The following EPB41L4B variants were observed in gnomAD, a reference collection of about 807,000 sequenced individuals.
EPB41L4B encodes erythrocyte membrane protein band 4.1 like 4B.
EPB41L4B carries 30 observed loss-of-function variants against 112.5 expected under a neutral mutation model. The ratio of observed to expected loss-of-function variants is 0.27; its 90% confidence interval spans 0.20 to 0.36. The LOEUF is 0.36. EPB41L4B is among the 10% of genes least tolerant of loss of function. The pLI is 1.00. For missense variants in EPB41L4B, 1,024 were observed against 1,133.3 expected (o/e 0.90, Z 1.38); for synonymous variants, 408 against 439.7 (o/e 0.93, Z 0.90).
At chr9:109,271,804 A>G (rs1160434546) in intron 2 of EPB41L4B, among the ~76,000 whole-genome samples, 1 of 152,222 alleles carries the variant, frequency 6.6e-6, no homozygotes, top group Non-Finnish European at 1.5e-5. Flanking sequence ...AAATGGCAGG[A>G]CATTTCACTC....
At chr9:109,207,367 C>T (rs1455815001) in intron 18 of EPB41L4B, among the ~76,000 whole-genome samples, 11 of 151,878 alleles carry the variant, frequency 7.2e-5, no homozygotes, top group Admixed American at 5.2e-4. Context: ...TCCAGGAGTT[C>T]GAGACCAGCC....
At chr9:109,205,458 T>C (rs1201540943) in intron 18 of EPB41L4B, among the ~76,000 whole-genome samples, 5 of 152,240 alleles carry the variant, frequency 3.3e-5, no homozygotes, top group African/African-American at 1.2e-4. Context: ...AACTTTCTAA[T>C]GTAGATAATT....
At chr9:109,264,878 A>G in intron 5 of EPB41L4B, 102 bp downstream of exon 5, 1 of 1,116,530 alleles carries the variant, frequency 9.0e-7, no homozygotes, top group Non-Finnish European at 1.2e-6. Context: ...CTTTTTTTGA[A>G]TTTTGAAAAG....
intron 4 of EPB41L4B, among the ~76,000 whole-genome samples, chr9:109,265,358 C>T (rs1835363786): frequency 6.6e-6 from 1 of 152,226 alleles, no homozygotes; most frequent in South Asian, 2.1e-4. Context: ...TGCAACATGT[C>T]CAATAACCCA....
intron 5 of EPB41L4B, among the ~76,000 whole-genome samples, chr9:109,263,556 T>G (rs926878522): frequency 6.6e-6 from 1 of 152,260 alleles, no homozygotes; most frequent in African/African-American, 2.4e-5. Context: ...CCAGCATGGC[T>G]GGATACACTC....
chr9:109,263,613 C>T (rs945428615), intron 5 of EPB41L4B, among the ~76,000 whole-genome samples: 5 of 152,224 alleles, frequency 3.3e-5, no homozygotes, highest in Admixed American at 6.5e-5. Context: ...AGTACTACTG[C>T]AAATTCAGTG....
chr9:109,256,174 T>C lies in EPB41L4B; in HGVS notation c.891A>G (p.Leu297=). Residue 297 remains leucine, a synonymous_variant, in exon 9 of 26, where the codon TTA becomes TTG. Coordinates refer to ENST00000374566, the MANE Select transcript of EPB41L4B (RefSeq NM_019114.5). ...YSLGLTPTGI[L]IFEGANKIGL... ...CTATTTTGTTAGCTCCTTCAAAGAT[T>C]AATATGCCTGTCGGGGTCAGTCCAA... 6.2e-7 allele frequency: 1 copy of C among 1,614,178 alleles called. No individual in the cohort carries two copies. Among genetic ancestry groups the C allele is most frequent in the Non-Finnish European group, 8.5e-7 (1 of 1,180,016 alleles).
chr9:109,174,099 T>G lies in EPB41L4B; in HGVS notation c.*455A>C, dbSNP rs150716024. 346 of 157,144 alleles carry G rather than the reference T, an allele frequency of 2.2e-3. No homozygotes were observed. The highest frequency in any genetic ancestry group is 2.9e-3 in the Non-Finnish European group (205 of 70,414). The allele number at this position is 157,144 out of a possible 1,614,324, so 9.7% of individuals were successfully genotyped here. Reference sequence around the variant, plus strand: ...TTAAAGACTTTATAAGATCTGTGTATTTATCAGTGTAAATGAAAAACCAGC... The same window carrying G: ...TTAAAGACTTTATAAGATCTGTGTAGTTATCAGTGTAAATGAAAAACCAGC... On this transcript the variant is annotated 3_prime_UTR_variant, in exon 26 of 26. Coordinates refer to ENST00000374566, the MANE Select transcript of EPB41L4B (RefSeq NM_019114.5).
chr9:109,190,364 G>C (rs1832418794), intron 22 of EPB41L4B, among the ~76,000 whole-genome samples: 1 of 152,236 alleles, frequency 6.6e-6, no homozygotes, highest in Non-Finnish European at 1.5e-5. Context: ...TGCCCGTAAA[G>C]GGCTGCTTCC....
chr9:109,204,332 C>T (rs370292202), intron 18 of EPB41L4B, among the ~76,000 whole-genome samples: 10 of 109,124 alleles, frequency 9.2e-5, no homozygotes, highest in Admixed American at 5.9e-4. Context: ...GCAGCCCTCA[C>T]GACCATCACA....
rs539368251 is a variant in EPB41L4B at position 109,172,751 on chromosome 9, A to T, written c.*1803T>A. On this transcript the variant is annotated 3_prime_UTR_variant, in exon 26 of 26. Transcript: ENST00000374566. ...TTTCCCTCAAAAAAAAATATATTAA[A>T]ATTTTAAAGATTCAGCACTTAAAGG... 1 of 152,630 alleles carries T rather than the reference A, an allele frequency of 6.6e-6. No homozygotes were observed. The highest frequency in any genetic ancestry group is 2.1e-4 in the South Asian group (1 of 4,834). 9.5% of individuals were successfully genotyped at this position (152,630 alleles called of 1,614,324 possible).
intron 17 of EPB41L4B, among the ~76,000 whole-genome samples, chr9:109,209,195 G>C (rs535853832): frequency 6.3e-4 from 96 of 152,200 alleles, no homozygotes; most frequent in Non-Finnish European, 9.9e-4. Flanking sequence ...AGAGCAACTG[G>C]CCAGCTAATA....
chr9:109,292,491 C>T (rs548915767), intron 1 of EPB41L4B, among the ~76,000 whole-genome samples: 2 of 152,172 alleles, frequency 1.3e-5, no homozygotes, highest in African/African-American at 4.8e-5. Context: ...GTGCACTTGC[C>T]CAATTGAGTC....
chr9:109,283,791 G>T (rs1003675778), intron 1 of EPB41L4B, among the ~76,000 whole-genome samples: 12 of 152,096 alleles, frequency 7.9e-5, no homozygotes, highest in Non-Finnish European at 1.6e-4. Context: ...ATTATAAGTT[G>T]TAAATGCACT....
intron 2 of EPB41L4B, among the ~76,000 whole-genome samples, chr9:109,271,002 G>T (rs1035461702): frequency 2.6e-5 from 4 of 152,220 alleles, no homozygotes; most frequent in African/African-American, 9.6e-5. Flanking sequence ...TACCCAGGAA[G>T]AGGTTCTGAT....
rs201981273 is a variant in EPB41L4B, at chr9:109,216,936, C to T, written c.1619G>A (p.Ser540Asn). ...EGPLRSPNSSSKSLTKLSPGT... is the reference protein window; with the variant it reads ...EGPLRSPNSSNKSLTKLSPGT... ...CCCCTACTCACTTGTAAGGGACTTG[C>T]TGCTGGAGTTTGGGGACCTCAGAGG... is the stretch of plus-strand genomic sequence containing the variant. Residue 540 changes from serine to asparagine, a missense_variant, in exon 16 of 26, where the codon AGC becomes AAC. Ser to Asn is a conservative substitution (Grantham distance 46). Coordinates refer to ENST00000374566, the MANE Select transcript of EPB41L4B (RefSeq NM_019114.5). The T allele has an allele frequency of 1.9e-4, 307 of 1,614,102 alleles. 1 individual carries two copies. The African/African-American group carries it at 3.0e-3, about 16-fold the overall frequency.
intron 16 of EPB41L4B, 61 bp downstream of exon 16, chr9:109,216,861 C>A: frequency 6.6e-7 from 1 of 1,509,180 alleles, no homozygotes; most frequent in Non-Finnish European, 9.2e-7. Context: ...ATCTAGGGAA[C>A]TCTCGTGCCC....
chr9:109,263,221 T>C (rs1835281092), intron 5 of EPB41L4B, 119 bp from the exon 6 acceptor site: 1 of 713,656 alleles, frequency 1.4e-6, no homozygotes, highest in African/African-American at 1.8e-5. Context: ...GTATTCTTAG[T>C]CATATTTTTG....
intron 15 of EPB41L4B, among the ~76,000 whole-genome samples, chr9:109,231,817 C>A (rs1833959685): frequency 6.6e-6 from 1 of 152,092 alleles, no homozygotes; most frequent in Non-Finnish European, 1.5e-5. Context: ...TGTGTGTGTG[C>A]CTTCACAGGT....
Sources: allele counts gnomAD v4.1 joint callset (sites outside exome capture counted in the v4.1 genomes callset), GRCh38; gene constraint gnomAD v4.1.1; transcripts MANE v1.5; gene names NCBI Gene and HGNC (gene_info 2026-07-23, HGNC 2026-07-21).